Variants in SPOCK3 observed in about 807,000 individuals in gnomAD.
SPOCK3 encodes the protein SPARC (osteonectin), cwcv and kazal like domains proteoglycan 3.
In SPOCK3, 30 loss-of-function variants were observed where a neutral mutation model predicts 56.6. That is an observed-to-expected ratio of 0.53 (90% CI 0.40 to 0.72). SPOCK3 has a LOEUF of 0.72. Among genes scored for constraint, SPOCK3 ranks in the 30% least tolerant of loss-of-function variants. The probability of loss-of-function intolerance (pLI) is 0.00; values close to 1 mark genes in which losing one functional copy is unlikely to be tolerated. For missense variants in SPOCK3, 527 were observed against 530.0 expected, an observed-to-expected ratio of 0.99 and a Z score of 0.06; for synonymous variants, 196 against 183.3, an observed-to-expected ratio of 1.07 and a Z score of -0.56.
chr4:166,855,436 C>T (rs970415348), intron 6 of SPOCK3, among the ~76,000 whole-genome samples: 2 of 152,130 alleles, frequency 1.3e-5, no homozygotes, highest in African/African-American at 4.8e-5. Flanking sequence ...ACAGGGTTAG[C>T]ACCAGCTCCT....
chr4:167,169,123 GACCCTCATGGTGA>G (rs1022446990), intron 2 of SPOCK3, among the ~76,000 whole-genome samples: 2 of 152,192 alleles, frequency 1.3e-5, no homozygotes, highest in African/African-American at 4.8e-5. Flanking sequence ...GCAGGGGCAG[GACCCTCATGGTGA>G]ACCTCTACTA....
chr4:167,095,023 ACAGT>A (rs1759028042), intron 2 of SPOCK3, among the ~76,000 whole-genome samples: 2 of 152,132 alleles, frequency 1.3e-5, no homozygotes, highest in Non-Finnish European at 2.9e-5. Flanking sequence ...CAGCTCGAAG[ACAGT>A]CAGTCAGAGG....
At chr4:167,112,163 G>T (rs929186715) in intron 2 of SPOCK3, among the ~76,000 whole-genome samples, 3 of 152,018 alleles carry the variant, frequency 2.0e-5, no homozygotes, top group African/African-American at 7.3e-5. Context: ...AAAACTATTA[G>T]CTCATAATAC....
intron 6 of SPOCK3, among the ~76,000 whole-genome samples, chr4:166,817,901 T>C (rs986208812): frequency 6.6e-6 from 1 of 152,082 alleles, no homozygotes; most frequent in South Asian, 2.1e-4. Context: ...ATTGAGTTAA[T>C]GCATGTAATG....
chr4:167,186,015 A>G (rs554177294), intron 2 of SPOCK3, among the ~76,000 whole-genome samples: 4 of 152,288 alleles, frequency 2.6e-5, no homozygotes, highest in Middle Eastern at 3.4e-3. Flanking sequence ...GATTTATTTT[A>G]CAACAGAGCT....
chr4:166,851,246 C>A (rs1050839759), intron 6 of SPOCK3, among the ~76,000 whole-genome samples: 39 of 152,180 alleles, frequency 2.6e-4, no homozygotes, highest in Non-Finnish European at 3.7e-4. Flanking sequence ...AACAGACCTG[C>A]AGCTGAGGGT....
intron 6 of SPOCK3, among the ~76,000 whole-genome samples, chr4:166,831,745 G>C (rs549047825): frequency 8.1e-6 from 1 of 123,794 alleles, no homozygotes; most frequent in East Asian, 2.3e-4. Flanking sequence ...TATCATCAAT[G>C]TTCTCCATTT....
At chr4:166,809,234 T>C (rs995909511) in intron 6 of SPOCK3, among the ~76,000 whole-genome samples, 2 of 151,944 alleles carry the variant, frequency 1.3e-5, no homozygotes, top group East Asian at 2.0e-4. Flanking sequence ...CATTCTTTCC[T>C]ATTTTCCTTC....
At chr4:167,225,484 A>C (rs943618837) in intron 2 of SPOCK3, among the ~76,000 whole-genome samples, 1 of 152,080 alleles carries the variant, frequency 6.6e-6, no homozygotes, top group Non-Finnish European at 1.5e-5. Context: ...CTTTTTACCT[A>C]CCCTTTTACC....
intron 3 of SPOCK3, among the ~76,000 whole-genome samples, chr4:167,051,412 T>C (rs767694704): frequency 3.3e-5 from 5 of 152,234 alleles, no homozygotes; most frequent in African/African-American, 4.8e-5. Context: ...CAGATTATAA[T>C]ATTGTTTCTT....
chr4:166,976,154 G>GAA (rs35396217), intron 4 of SPOCK3, among the ~76,000 whole-genome samples: 1 of 151,692 alleles, frequency 6.6e-6, no homozygotes. Flanking sequence ...AACTAACCAA[G>GAA]AAAAATGTCT....
intron 5 of SPOCK3, among the ~76,000 whole-genome samples, chr4:166,899,747 C>T (rs984074532): frequency 6.6e-6 from 1 of 152,138 alleles, no homozygotes; most frequent in Middle Eastern, 3.4e-3. Flanking sequence ...GAACTCCTAA[C>T]CTCATGACCC....
intron 2 of SPOCK3, among the ~76,000 whole-genome samples, chr4:167,107,006 A>T (rs1368436512): frequency 3.9e-5 from 6 of 151,902 alleles, no homozygotes; most frequent in Non-Finnish European, 8.8e-5. Context: ...AATCAAAGTC[A>T]TAATAAAAAG....
At chr4:167,182,492 AT>A (rs1225751096) in intron 2 of SPOCK3, among the ~76,000 whole-genome samples, 1 of 152,006 alleles carries the variant, frequency 6.6e-6, no homozygotes, top group Non-Finnish European at 1.5e-5. Flanking sequence ...GAAAAAAAAA[AT>A]ATGCAATCAT....
chr4:167,055,742 G>C (rs1168223274), intron 3 of SPOCK3, among the ~76,000 whole-genome samples: 2 of 152,212 alleles, frequency 1.3e-5, no homozygotes, highest in Non-Finnish European at 2.9e-5. Context: ...CTGCAGCGAG[G>C]CTGGGGGAGG....
intron 3 of SPOCK3, among the ~76,000 whole-genome samples, chr4:167,003,659 G>A (rs188302918): frequency 3.3e-4 from 50 of 152,204 alleles, no homozygotes; most frequent in African/African-American, 1.1e-3. Flanking sequence ...TTTCTCTCCA[G>A]CAACCAGTCA....
At position 167,078,337 on chromosome 4, in the gene SPOCK3, T is replaced by C. The variant is rs1364041722; in HGVS notation, c.190-15800A>G. Among the ~76,000 whole-genome samples, 6 of 138,686 alleles carry C rather than the reference T, an allele frequency of 4.3e-5. No homozygotes were observed. The Middle Eastern group carries it at 0.01, about 241-fold the overall frequency. 91.0% of individuals were successfully genotyped at this position (138,686 alleles called of 152,430 possible). ...GTGTGTGTGTGTGTGTGTGTGTGTGTGTGTGTGTGTGTGTGTGTGTGTGTG... is the reference window on the plus strand; with the variant it reads ...GTGTGTGTGTGTGTGTGTGTGTGTGCGTGTGTGTGTGTGTGTGTGTGTGTG... On this transcript the variant is annotated intron_variant, in intron 2 of 10. Coordinates refer to ENST00000357545, the MANE Select transcript of SPOCK3 (RefSeq NM_001040159.2).
rs542714794 is a variant in SPOCK3 at position 166,929,005 on chromosome 4, T to A, written c.351-16262A>T. ...ACAACAACAACAAAAACTATGGACT[T>A]TGAGTGATAATAATGTGTCAGTATA... is the stretch of plus-strand genomic sequence containing the variant. On this transcript the variant is annotated intron_variant, in intron 4 of 10. Transcript: ENST00000357545. 5.3e-5 allele frequency among the ~76,000 whole-genome samples: 8 copies of A among 151,972 alleles called. No homozygotes were observed. In the East Asian group the frequency reaches 1.6e-3, roughly 30 times the overall value.
intron 6 of SPOCK3, among the ~76,000 whole-genome samples, chr4:166,799,600 T>C (rs1247475927): frequency 6.6e-6 from 1 of 152,024 alleles, no homozygotes; most frequent in African/African-American, 2.4e-5. Context: ...TCATCCATGA[T>C]TTCAAACAAT....
Sources: allele counts gnomAD v4.1 joint callset (sites outside exome capture counted in the v4.1 genomes callset), GRCh38; gene constraint gnomAD v4.1.1; transcripts MANE v1.5; gene names NCBI Gene and HGNC (gene_info 2026-07-23, HGNC 2026-07-21).